Variants in DOCK8 observed in about 807,000 individuals in gnomAD.
The protein encoded by DOCK8 is dedicator of cytokinesis 8.
In DOCK8, 141 loss-of-function variants were observed where a neutral mutation model predicts 245.6. The ratio of observed to expected loss-of-function variants is 0.57; its 90% CI spans 0.50 to 0.66. The LOEUF is 0.66. Ranked by LOEUF, DOCK8 falls within the 30% of genes least tolerant of loss-of-function variation. The probability of loss-of-function intolerance (pLI) is 0.00; values close to 1 mark genes in which losing one functional copy is unlikely to be tolerated. For missense variants in DOCK8, 2,965 were observed against 2,603.4 expected (o/e 1.14, Z -3.02); for synonymous variants, 1,168 against 970.2 (o/e 1.20, Z -3.79).
At position 370,289 on chromosome 9, in the gene DOCK8, A is replaced by G. The variant is rs530384937; in HGVS notation, c.1857A>G (p.Thr619=). Residue 619 remains threonine (T), a synonymous_variant, in exon 16 of 48, where the codon ACA becomes ACG. Transcript: ENST00000432829. ...EFLQEVYTAV[T]YHNKSPDFYE... Reference sequence around the variant, plus strand: ...TGCAGGAAGTGTACACAGCTGTTACATACCATAATAAGTAAGTCTATTTCA... The same window carrying G: ...TGCAGGAAGTGTACACAGCTGTTACGTACCATAATAAGTAAGTCTATTTCA... 17 of 1,614,018 alleles carry G rather than the reference A, an allele frequency of 1.1e-5. No homozygotes were observed. The highest frequency in any genetic ancestry group is 1.4e-5 in the Non-Finnish European group (17 of 1,179,822).
intron 1 of DOCK8, among the ~76,000 whole-genome samples, chr9:246,554 C>A (rs1329147122): frequency 6.6e-6 from 1 of 151,940 alleles, no homozygotes; most frequent in East Asian, 1.9e-4. Flanking sequence ...TCCCTTAGAT[C>A]CATTTTTTGT....
At chr9:421,958 G>A in intron 32 of DOCK8, 90 bp from the exon 33 acceptor site, 1 of 1,142,662 alleles carries the variant, frequency 8.8e-7, no homozygotes, top group South Asian at 1.3e-5. Flanking sequence ...ATGGTGCTGA[G>A]GCTTCTCAGT....
intron 26 of DOCK8, among the ~76,000 whole-genome samples, chr9:403,871 T>TGC (rs1438416119): frequency 3.0e-4 from 25 of 84,446 alleles, no homozygotes; most frequent in Middle Eastern, 4.6e-3. Flanking sequence ...TCTCTCTCTC[T>TGC]CTCTCTCTCT....
chr9:376,895 G>T, intron 19 of DOCK8, 82 bp from the exon 20 acceptor site: 1 of 1,226,038 alleles, frequency 8.2e-7, no homozygotes, highest in South Asian at 1.3e-5. Flanking sequence ...TACCCATAAA[G>T]AGCTATTCGA....
At chr9:282,555 G>A (rs1331919480) in intron 2 of DOCK8, among the ~76,000 whole-genome samples, 1 of 151,006 alleles carries the variant, frequency 6.6e-6, no homozygotes, top group South Asian at 2.1e-4. Flanking sequence ...GTAGCCAGCA[G>A]TATAGGTGGT....
At chr9:343,980 A>G (rs1281389368) in intron 14 of DOCK8, among the ~76,000 whole-genome samples, 2 of 152,204 alleles carry the variant, frequency 1.3e-5, no homozygotes, top group African/African-American at 4.8e-5. Flanking sequence ...AGTGCACTGA[A>G]TGATCCAGAA....
At chr9:389,326 A>G (rs1045417397) in intron 23 of DOCK8, among the ~76,000 whole-genome samples, 4 of 152,222 alleles carry the variant, frequency 2.6e-5, no homozygotes, top group African/African-American at 4.8e-5. Flanking sequence ...ACTATTTGCT[A>G]CTGAGCAGTA....
rs61393783 is a variant in DOCK8, at chr9:272,033, A to G, written c.156+304A>G. Reference sequence around the variant, plus strand: ...ATATTTGGGGGAGAAGGGCTAGCCCAAAAACTTACCACCATTTGTAGTATG... The same window carrying G: ...ATATTTGGGGGAGAAGGGCTAGCCCGAAAACTTACCACCATTTGTAGTATG... On this transcript the variant is annotated intron_variant, in intron 2 of 47. Coordinates refer to ENST00000432829, the MANE Select transcript of DOCK8 (RefSeq NM_203447.4). Among the ~76,000 whole-genome samples, 4,992 of 152,298 alleles carry G rather than the reference A, an allele frequency of 0.033. 257 individuals are homozygous for G. Among genetic ancestry groups the G allele is most frequent in the African/African-American group, 0.11 (4,615 of 41,532 alleles).
chr9:393,085 CAAAAAAAAAA>C (rs1159933739), intron 24 of DOCK8, among the ~76,000 whole-genome samples: 7 of 44,750 alleles, frequency 1.6e-4, no homozygotes, highest in South Asian at 1.3e-3. Context: ...GACCCTGTCT[CAAAAAAAAAA>C]AAAAAAAAAA....
At chr9:288,058 GTT>G (rs138002007) in intron 3 of DOCK8, among the ~76,000 whole-genome samples, 2 of 142,118 alleles carry the variant, frequency 1.4e-5, no homozygotes, top group African/African-American at 2.6e-5. Context: ...GAAGGAGGAG[GTT>G]TTTTTTTTTT....
chr9:341,009 C>G (rs942535876), intron 14 of DOCK8, among the ~76,000 whole-genome samples: 1 of 152,180 alleles, frequency 6.6e-6, no homozygotes, highest in African/African-American at 2.4e-5. Context: ...TAAAGATTAG[C>G]TCTTTCCAAC....
chr9:260,966 A>T (rs2047903875), intron 1 of DOCK8, among the ~76,000 whole-genome samples: 1 of 152,128 alleles, frequency 6.6e-6, no homozygotes, highest in South Asian at 2.1e-4. Context: ...GTATTTGCTT[A>T]TAAACTCTAT....
At chr9:346,734 C>T (rs1184469731) in intron 14 of DOCK8, among the ~76,000 whole-genome samples, 2 of 152,128 alleles carry the variant, frequency 1.3e-5, no homozygotes, top group Non-Finnish European at 1.5e-5. Context: ...GCTCCCATAT[C>T]GCAGTGGAGT....
Position 422,146 on chromosome 9 carries a change from C to G in DOCK8, c.4241+11C>G, listed in dbSNP as rs1420417215. ...TGAGAAGCTAGATAAGTGAGTCACT[C>G]GGCAACTTTCTGCTACTTTTACCTA... On this transcript the variant is annotated intron_variant, in intron 33 of 47. Transcript: ENST00000432829. The G allele has an allele frequency of 6.2e-7, 1 of 1,611,964 alleles. No individual in the cohort carries two copies. Among genetic ancestry groups the G allele is most frequent in the Non-Finnish European group, 8.5e-7 (1 of 1,178,152 alleles).
intron 1 of DOCK8, among the ~76,000 whole-genome samples, chr9:240,033 C>A (rs549241150): frequency 6.6e-6 from 1 of 152,274 alleles, no homozygotes; most frequent in African/African-American, 2.4e-5. Flanking sequence ...TGATTCTTCA[C>A]GATAAATGCT....
intron 11 of DOCK8, among the ~76,000 whole-genome samples, chr9:335,617 A>G (rs1300043231): frequency 6.6e-6 from 1 of 152,056 alleles, no homozygotes; most frequent in Non-Finnish European, 1.5e-5. Context: ...TGTAGACCCA[A>G]GTAACTTATT....
intron 16 of DOCK8, 128 bp downstream of exon 16, chr9:370,428 A>G: frequency 1.2e-6 from 1 of 812,194 alleles, no homozygotes; most frequent in Non-Finnish European, 2.1e-6. Context: ...AAGGAAATCC[A>G]TGCCAGTTCC....
chr9:299,864 A>G (rs2049450556), intron 4 of DOCK8, among the ~76,000 whole-genome samples: 1 of 152,136 alleles, frequency 6.6e-6, no homozygotes, highest in South Asian at 2.1e-4. Flanking sequence ...TACTAAAAAT[A>G]CAAAAAAATT....
chr9:438,666 A>G (rs2056985147), intron 39 of DOCK8, among the ~76,000 whole-genome samples: 1 of 152,220 alleles, frequency 6.6e-6, no homozygotes, highest in Admixed American at 6.5e-5. Context: ...TCTAAACGCA[A>G]TAGTTTATGT....
Sources: allele counts gnomAD v4.1 joint callset (sites outside exome capture counted in the v4.1 genomes callset), GRCh38; gene constraint gnomAD v4.1.1; transcripts MANE v1.5; gene names NCBI Gene and HGNC (gene_info 2026-07-23, HGNC 2026-07-21).